The following TMC3 variants were observed in gnomAD, a reference collection of about 807,000 sequenced individuals.
The protein encoded by TMC3 is transmembrane channel-like protein 3.
A neutral mutation model predicts 110.6 loss-of-function variants in TMC3; 98 were observed. The ratio of observed to expected loss-of-function variants is 0.89; its 90% CI spans 0.75 to 1.05. The LOEUF is 1.05. Ranked by LOEUF, TMC3 falls within the 50% of genes least tolerant of loss-of-function variation. The probability of loss-of-function intolerance (pLI) is 0.00; values close to 1 mark genes in which losing one functional copy is unlikely to be tolerated. For missense variants in TMC3, 1,319 were observed against 1,373.2 expected (o/e 0.96, Z 0.62); for synonymous variants, 489 against 513.1 (o/e 0.95, Z 0.63).
Position 81,337,860 on chromosome 15 carries a change from T to A in TMC3, c.2146A>T (p.Met716Leu). 1 of 1,613,952 alleles carries A rather than the reference T, an allele frequency of 6.2e-7. No individual in the cohort carries two copies. The highest frequency in any genetic ancestry group is 8.5e-7 in the Non-Finnish European group (1 of 1,179,808). Residue 716 changes from methionine to leucine, a missense_variant, in exon 19 of 22, where the codon ATG (methionine) becomes TTG (leucine). Physicochemically the swap from Met to Leu is conservative, Grantham distance 15 (BLOSUM62 2). Coordinates refer to ENST00000359440, the MANE Select transcript of TMC3 (RefSeq NM_001080532.3). ...SLKLSNHQLK[M>L]QIQNARSEDK... ...GAAATACTTGCGTTTTGGATCTGCA[T>A]TTTGAGCTGGTGGTTGCTGAGCTTT...
chr15:81,353,573 T>C (rs1893997014), intron 9 of TMC3, among the ~76,000 whole-genome samples: 1 of 152,220 alleles, frequency 6.6e-6, no homozygotes, highest in African/African-American at 2.4e-5. Context: ...ACAAATACCA[T>C]TGTGTTACAA....
chr15:81,338,716 C>T lies in TMC3; in HGVS notation c.2020G>A (p.Gly674Ser). Residue 674 changes from glycine (G) to serine (S), a missense_variant, in exon 18 of 22, where the codon GGC becomes AGC. Gly to Ser is a moderately conservative substitution (Grantham distance 56, BLOSUM62 0). Coordinates refer to ENST00000359440, the MANE Select transcript of TMC3 (RefSeq NM_001080532.3). ...CTACTGATGTGTCCAACCACGGAGC[C>T]AAACCACACAGGAAAGTCTTTCTCA... Reference protein sequence around the residue: ...TIEKDFPVWFGSVVGHISSPV... With the variant: ...TIEKDFPVWFSSVVGHISSPV... 6.2e-7 allele frequency: 1 copy of T among 1,614,008 alleles called. No homozygotes were observed. The highest frequency in any genetic ancestry group is 8.5e-7 in the Non-Finnish European group (1 of 1,179,894).
chr15:81,362,803 G>C lies in TMC3; in HGVS notation c.313-502C>G, dbSNP rs74463461. On this transcript the variant is annotated intron_variant, in intron 3 of 21. Coordinates refer to ENST00000359440, the MANE Select transcript of TMC3 (RefSeq NM_001080532.3). The stretch of plus-strand genomic sequence containing the variant: ...TCTGAGAGTGTGCCCCAGGAATCCA[G>C]ATGCCTAACAGACTCCCCAGGTGAT... 1.7e-3 allele frequency among the ~76,000 whole-genome samples: 259 copies of C among 152,228 alleles called. 1 individual carries two copies. The highest frequency in any genetic ancestry group is 5.9e-3 in the African/African-American group (245 of 41,528).
At chr15:81,354,552 A>G (rs1282432389) in intron 9 of TMC3, among the ~76,000 whole-genome samples, 1 of 152,158 alleles carries the variant, frequency 6.6e-6, no homozygotes, top group African/African-American at 2.4e-5. Flanking sequence ...TTCCCTATGC[A>G]GCAGCCTCAG....
chr15:81,349,439 C>A lies in TMC3; in HGVS notation c.1193+19G>T. The A allele has an allele frequency of 7.0e-7, 1 of 1,430,252 alleles. No individual in the cohort carries two copies. The highest frequency in any genetic ancestry group is 9.2e-7 in the Non-Finnish European group (1 of 1,084,884). The allele number at this position is 1,430,252 out of a possible 1,614,324, so 88.6% of individuals were successfully genotyped here. On this transcript the variant is annotated intron_variant, in intron 11 of 21. Transcript: ENST00000359440. ...CATGGGTGAGCCACAGGTGGCATTT[C>A]TGGGCAGGACTGTTGTACCTTGCAA...
chr15:81,366,435 G>A (rs1424810297), intron 3 of TMC3, among the ~76,000 whole-genome samples: 1 of 152,192 alleles, frequency 6.6e-6, no homozygotes, highest in African/African-American at 2.4e-5. Flanking sequence ...TAAAAATTTG[G>A]ATTACCTTAC....
At chr15:81,344,681 A>C in intron 13 of TMC3, 85 bp downstream of exon 13, 1 of 1,355,452 alleles carries the variant, frequency 7.4e-7, no homozygotes, top group Non-Finnish European at 1.0e-6. Flanking sequence ...TTTCTATAAC[A>C]TAGGGGCAGT....
At chr15:81,369,938 C>T (rs1894397957) in intron 2 of TMC3, among the ~76,000 whole-genome samples, 1 of 152,006 alleles carries the variant, frequency 6.6e-6, no homozygotes, top group African/African-American at 2.4e-5. Flanking sequence ...CAAACAACAA[C>T]AACAACAAAA....
intron 16 of TMC3, among the ~76,000 whole-genome samples, chr15:81,340,224 G>GTC (rs5814056): frequency 0.011 from 1,568 of 148,358 alleles, 16 homozygotes; most frequent in African/African-American, 0.023. Flanking sequence ...CTCTGTCTCT[G>GTC]TCTCTCTCTC....
intron 19 of TMC3, among the ~76,000 whole-genome samples, chr15:81,337,161 T>C (rs921076347): frequency 6.6e-6 from 1 of 152,018 alleles, no homozygotes; most frequent in African/African-American, 2.4e-5. Flanking sequence ...GAGGCACTTA[T>C]TTTCAGGGCT....
intron 15 of TMC3, among the ~76,000 whole-genome samples, chr15:81,342,492 G>T (rs1194307288): frequency 3.9e-5 from 6 of 152,132 alleles, no homozygotes; most frequent in Non-Finnish European, 5.9e-5. Context: ...TTGATATCTA[G>T]CACTATTAAA....
chr15:81,360,229 C>T (rs1042206089), intron 4 of TMC3, among the ~76,000 whole-genome samples: 5 of 151,970 alleles, frequency 3.3e-5, no homozygotes, highest in African/African-American at 7.3e-5. Context: ...ATTAAAATCA[C>T]GATTAGAATT....
Position 81,331,160 on chromosome 15 carries a change from C to G in TMC3, c.*1259G>C, listed in dbSNP as rs1240620310. 3 of 152,188 alleles carry G rather than the reference C, an allele frequency of 2.0e-5. No homozygotes were observed. The highest frequency in any genetic ancestry group is 4.4e-5 in the Non-Finnish European group (3 of 68,040). 9.4% of individuals were successfully genotyped at this position (152,188 alleles called of 1,614,324 possible). ...GGACTAGCGTCCAGGAAAGTCTGAG[C>G]CCTGGATAAAGAAAGCAGCCACCTT... On this transcript the variant is annotated 3_prime_UTR_variant, in exon 22 of 22. Coordinates refer to ENST00000359440, the MANE Select transcript of TMC3 (RefSeq NM_001080532.3).
chr15:81,334,808 T>C lies in TMC3; in HGVS notation c.2371A>G (p.Met791Val), dbSNP rs747350857. ...TCCCCTGGCCTCGGGCTCTGGGGCATGGACTGTGCGACTGTCTCTATCCTG... is the reference window on the plus strand; with the variant it reads ...TCCCCTGGCCTCGGGCTCTGGGGCACGGACTGTGCGACTGTCTCTATCCTG... The part of the protein sequence containing the change: ...SGRIETVAQS[M>V]PQSPRPGDRA... Residue 791 changes from methionine to valine, a missense_variant, in exon 21 of 22, where the codon ATG (methionine) becomes GTG (valine). Transcript: ENST00000359440. The C allele has an allele frequency of 6.2e-7, 1 of 1,613,856 alleles. No individual in the cohort carries two copies.
intron 3 of TMC3, among the ~76,000 whole-genome samples, chr15:81,364,716 A>T (rs889231748): frequency 2.7e-4 from 39 of 144,530 alleles, no homozygotes; most frequent in Admixed American, 6.1e-4. Flanking sequence ...AAAAAAAATA[A>T]AAAATAAAAC....
At chr15:81,340,414 A>G (rs1006337246) in intron 16 of TMC3, among the ~76,000 whole-genome samples, 6 of 152,232 alleles carry the variant, frequency 3.9e-5, no homozygotes, top group Admixed American at 2.6e-4. Flanking sequence ...ATATCAAAAC[A>G]TATCTCTGAA....
chr15:81,333,490 A>G (rs987183398), intron 21 of TMC3, among the ~76,000 whole-genome samples: 3 of 152,204 alleles, frequency 2.0e-5, no homozygotes, highest in South Asian at 2.1e-4. Context: ...ATGAGTCTCC[A>G]TGAAGACTGC....
At position 81,359,370 on chromosome 15, in the gene TMC3, G is replaced by C. The variant is rs1209793447; in HGVS notation, c.496C>G (p.Pro166Ala). 1.6e-5 allele frequency: 25 copies of C among 1,596,746 alleles called. No homozygotes were observed. The highest frequency in any genetic ancestry group is 2.0e-5 in the Non-Finnish European group (24 of 1,172,080). Residue 166 changes from proline to alanine, a missense_variant, in exon 5 of 22, where the codon CCA becomes GCA. Transcript: ENST00000359440. ...TIMTGAFIVI[P>A]ELIAGQPFGS... ...ACTTTCCTGAAACATCTTACCTCTG[G>C]AATGACAATAAAAGCACCTGTCATA...
chr15:81,351,988 C>G lies in TMC3; in HGVS notation c.936-147G>C, dbSNP rs142037800. 531 of 869,480 alleles carry G rather than the reference C, an allele frequency of 6.1e-4. 1 individual carries two copies. The African/African-American group carries it at 8.1e-3, about 13-fold the overall frequency. The allele number at this position is 869,480 out of a possible 1,614,324, so 53.9% of individuals were successfully genotyped here. Reference sequence around the variant, plus strand: ...GCATCAATGCACTTCCAGCCCACCCCACCCAGCACCCTAGAATTCCTCATT... The same window carrying G: ...GCATCAATGCACTTCCAGCCCACCCGACCCAGCACCCTAGAATTCCTCATT... On this transcript the variant is annotated intron_variant, in intron 9 of 21. Coordinates refer to ENST00000359440, the MANE Select transcript of TMC3 (RefSeq NM_001080532.3).
Sources: gnomAD v4.1 joint callset for allele counts (sites outside exome capture counted in the v4.1 genomes callset) on GRCh38, gnomAD v4.1.1 for gene constraint, MANE v1.5 for transcripts, NCBI Gene and HGNC (gene_info 2026-07-23, HGNC 2026-07-21) for gene names.